Variants in RHPN2 observed in about 807,000 individuals in gnomAD.
RHPN2 encodes the protein rhophilin-2.
In RHPN2, 40 loss-of-function variants were observed where a neutral mutation model predicts 79.0. The observed-to-expected ratio is 0.51, with a 90% CI of 0.39 to 0.66. The LOEUF is 0.66. Ranked by LOEUF, RHPN2 falls within the 30% of genes least tolerant of loss-of-function variation. The probability of loss-of-function intolerance (pLI) is 0.00; values close to 1 mark genes in which losing one functional copy is unlikely to be tolerated. For missense variants in RHPN2, 686 were observed against 883.5 expected, an observed-to-expected ratio of 0.78 and a Z score of 2.83; for synonymous variants, 285 against 363.5, an observed-to-expected ratio of 0.78 and a Z score of 2.46.
At chr19:33,004,998 C>T (rs1365865101) in intron 7 of RHPN2, among the ~76,000 whole-genome samples, 3 of 151,476 alleles carry the variant, frequency 2.0e-5, no homozygotes, top group Admixed American at 6.6e-5. Context: ...AATTCCATCA[C>T]GACAGGTATG....
At chr19:33,026,037 G>C (rs1313467234) in intron 3 of RHPN2, among the ~76,000 whole-genome samples, 1 of 149,660 alleles carries the variant, frequency 6.7e-6, no homozygotes, top group African/African-American at 2.5e-5. Context: ...TGTCAGCCGG[G>C]CTGGAGTACA....
chr19:33,036,410 G>A (rs781360461), intron 2 of RHPN2, among the ~76,000 whole-genome samples: 1 of 152,180 alleles, frequency 6.6e-6, no homozygotes, highest in Non-Finnish European at 1.5e-5. Context: ...GGAGGCTAAG[G>A]CAGGAGGATC....
intron 4 of RHPN2, among the ~76,000 whole-genome samples, chr19:33,018,772 C>T (rs1230242541): frequency 1.3e-5 from 2 of 152,090 alleles, no homozygotes; most frequent in African/African-American, 4.8e-5. Context: ...TGGCCGGGAG[C>T]GGCGGCTCAC....
chr19:33,029,298 G>A (rs566193482), intron 2 of RHPN2, among the ~76,000 whole-genome samples: 13 of 151,910 alleles, frequency 8.6e-5, no homozygotes, highest in Admixed American at 5.9e-4. Context: ...AGGCCGAGAC[G>A]GACGGATCAC....
At chr19:33,021,678 A>AC (rs776405795) in intron 3 of RHPN2, 32 bp from the exon 4 acceptor site, 288 of 1,568,824 alleles carry the variant, frequency 1.8e-4, no homozygotes, top group Non-Finnish European at 2.3e-4. Context: ...ATGTATGAAC[A>AC]CCCCCAACCG....
chr19:33,041,184 C>T lies in RHPN2; in HGVS notation c.185+3065G>A, dbSNP rs140308883. ...TTCCATTCCTGCATTTCTGGGGACA[C>T]CTCCAAACATCCCCCACCCCTATTC... On this transcript the variant is annotated intron_variant, in intron 2 of 14. Transcript: ENST00000254260. Among the ~76,000 whole-genome samples the T allele has an allele frequency of 3.0e-4, 45 of 152,208 alleles. No homozygotes were observed. The East Asian group carries it at 3.1e-3, about 10-fold the overall frequency.
intron 14 of RHPN2, among the ~76,000 whole-genome samples, chr19:32,983,245 G>T (rs529818608): frequency 9.2e-5 from 14 of 152,106 alleles, no homozygotes; most frequent in South Asian, 2.1e-4. Context: ...GGGCGTGGTG[G>T]CTCACGCCTG....
intron 4 of RHPN2, among the ~76,000 whole-genome samples, chr19:33,016,525 A>G (rs1395695161): frequency 1.3e-5 from 2 of 152,070 alleles, no homozygotes; most frequent in African/African-American, 2.4e-5. Flanking sequence ...TACTAAAAAT[A>G]TAAAAATTAG....
intron 2 of RHPN2, among the ~76,000 whole-genome samples, chr19:33,040,080 C>G (rs1231212952): frequency 6.6e-6 from 1 of 152,092 alleles, no homozygotes; most frequent in Non-Finnish European, 1.5e-5. Flanking sequence ...CACCTGATCC[C>G]TGTAAACCTC....
At position 32,996,133 on chromosome 19, in the gene RHPN2, A is replaced by T. The variant is rs755982809; in HGVS notation, c.1313T>A (p.Val438Glu). The T allele has an allele frequency of 3.1e-6, 5 of 1,614,058 alleles. No homozygotes were observed. In the Admixed American group the frequency reaches 6.7e-5, roughly 22 times the overall value. The change falls in exon 11 of 15, where the codon GTG (valine) becomes GAG (glutamate). Residue 438 changes from valine to glutamate, a missense_variant. Physicochemically the swap from Val to Glu is moderately radical, Grantham distance 121. Coordinates refer to ENST00000254260, the MANE Select transcript of RHPN2 (RefSeq NM_033103.5). ...TGCGGCACACAGCACCTTCTGTAGC[A>T]CCTCAATGCTCCGCAGCTTCTTGCA... Reference protein sequence around the residue: ...SLCKKLRSIEVLQKVLCAAQE... With the variant: ...SLCKKLRSIEELQKVLCAAQE...
intron 10 of RHPN2, among the ~76,000 whole-genome samples, chr19:32,998,023 C>T (rs1017836531): frequency 1.6e-4 from 25 of 152,124 alleles, no homozygotes; most frequent in African/African-American, 5.6e-4. Flanking sequence ...TCCTGTTCTG[C>T]GTGAGACGGG....
intron 1 of RHPN2, among the ~76,000 whole-genome samples, chr19:33,060,156 G>T (rs964783226): frequency 6.6e-6 from 1 of 151,980 alleles, no homozygotes; most frequent in Non-Finnish European, 1.5e-5. Context: ...GCATTGTGAC[G>T]TTTTTTTTGA....
At chr19:33,000,534 GC>G (rs1305459422) in intron 9 of RHPN2, among the ~76,000 whole-genome samples, 1 of 151,882 alleles carries the variant, frequency 6.6e-6, no homozygotes, top group African/African-American at 2.4e-5. Context: ...TTGACCCTGA[GC>G]CCCCACACGC....
intron 14 of RHPN2, among the ~76,000 whole-genome samples, chr19:32,980,628 A>C (rs1332549318): frequency 6.6e-6 from 1 of 152,132 alleles, no homozygotes; most frequent in Non-Finnish European, 1.5e-5. Context: ...GAACAGACAT[A>C]ATTCGGAAAC....
Position 33,026,627 on chromosome 19 carries a change from G to T in RHPN2, c.191C>A (p.Ala64Asp). The T allele has an allele frequency of 6.2e-7, 1 of 1,606,486 alleles. No homozygotes were observed. ...TTGCTCCCGCACCTTTGAGTTTGTGGCCACTCTGTTCAAAGAGAAGAGGGA... is the reference window on the plus strand; with the variant it reads ...TTGCTCCCGCACCTTTGAGTTTGTGTCCACTCTGTTCAAAGAGAAGAGGGA... ...RTGAENLLKVATNSKVREQVR... is the reference protein window; with the variant it reads ...RTGAENLLKVDTNSKVREQVR... The change falls in exon 3 of 15, where the codon GCC becomes GAC. Residue 64 changes from alanine to aspartate, a missense_variant. Coordinates refer to ENST00000254260, the MANE Select transcript of RHPN2 (RefSeq NM_033103.5).
intron 14 of RHPN2, among the ~76,000 whole-genome samples, chr19:32,982,106 C>T (rs1363823949): frequency 1.3e-5 from 2 of 152,144 alleles, no homozygotes; most frequent in East Asian, 3.9e-4. Context: ...GACATTGTTC[C>T]TAATATAAAC....
At chr19:33,058,410 GA>G (rs1972251921) in intron 1 of RHPN2, among the ~76,000 whole-genome samples, 1 of 152,332 alleles carries the variant, frequency 6.6e-6, no homozygotes, top group Middle Eastern at 3.4e-3. Context: ...AAAGGGGAGG[GA>G]AGGCATGACA....
chr19:32,982,022 C>T (rs1971579216), intron 14 of RHPN2, among the ~76,000 whole-genome samples: 1 of 152,096 alleles, frequency 6.6e-6, no homozygotes, highest in Admixed American at 6.6e-5. Flanking sequence ...GTTTAGTTCG[C>T]CACATGTTTA....
intron 11 of RHPN2, 63 bp downstream of exon 11, chr19:32,995,963 C>A (rs529081922): frequency 9.1e-6 from 14 of 1,540,954 alleles, no homozygotes; most frequent in Non-Finnish European, 1.3e-5. Flanking sequence ...CCCCCACAGG[C>A]CAGGCGTACT....
Sources: gnomAD v4.1 joint callset for allele counts (sites outside exome capture counted in the v4.1 genomes callset) on GRCh38, gnomAD v4.1.1 for gene constraint, MANE v1.5 for transcripts, NCBI Gene and HGNC (gene_info 2026-07-23, HGNC 2026-07-21) for gene names.